Variants in WNK2 observed in about 807,000 individuals in gnomAD.
WNK2 encodes the protein WNK lysine deficient protein kinase 2, also known as serine/threonine-protein kinase WNK2.
A neutral mutation model predicts 192.1 loss-of-function variants in WNK2; 67 were observed. The ratio of observed to expected loss-of-function variants is 0.35; its 90% CI spans 0.29 to 0.43. WNK2 has a LOEUF of 0.43. Ranked by LOEUF, WNK2 falls within the 20% of genes least tolerant of loss-of-function variation. The pLI, the probability that WNK2 is intolerant of heterozygous loss-of-function variation, is 1.00. For missense variants in WNK2, 2,698 were observed against 3,089.7 expected (o/e 0.87, Z 3.01); for synonymous variants, 1,439 against 1,393.9 (o/e 1.03, Z -0.72).
Position 93,244,991 on chromosome 9 carries a change from G to T in WNK2, c.1543-2552G>T, listed in dbSNP as rs533481405. Among the ~76,000 whole-genome samples, 9 of 152,244 alleles carry T rather than the reference G, an allele frequency of 5.9e-5. 1 individual carries two copies. The South Asian group carries it at 1.9e-3, about 32-fold the overall frequency. On this transcript the variant is annotated intron_variant, in intron 7 of 29. Transcript: ENST00000427277. The stretch of plus-strand genomic sequence containing the variant: ...GTAGACGGGTCCCACTGACTGAGCC[G>T]TAAGCTTCTGTCCCACCTCACTGGT...
At chr9:93,276,730 A>C (rs2133456231) in intron 19 of WNK2, among the ~76,000 whole-genome samples, 1 of 152,360 alleles carries the variant, frequency 6.6e-6, no homozygotes, top group Middle Eastern at 3.4e-3. Flanking sequence ...CTCAACAGTA[A>C]AATGAGCATA....
At chr9:93,250,920 G>T (rs1446503966) in intron 8 of WNK2, among the ~76,000 whole-genome samples, 2 of 151,782 alleles carry the variant, frequency 1.3e-5, no homozygotes, top group African/African-American at 2.4e-5. Flanking sequence ...TAGTAGCTGG[G>T]ATTACAGGCA....
chr9:93,230,816 T>G, intron 3 of WNK2, 72 bp from the exon 4 acceptor site: 1 of 1,369,826 alleles, frequency 7.3e-7, no homozygotes, highest in Non-Finnish European at 1.0e-6. Context: ...CTAAGCAGTG[T>G]TAGGTGGGGG....
At chr9:93,291,817 C>A (rs1849412671) in intron 21 of WNK2, among the ~76,000 whole-genome samples, 1 of 152,156 alleles carries the variant, frequency 6.6e-6, no homozygotes, top group Non-Finnish European at 1.5e-5. Context: ...TTTACGGCAA[C>A]CCTGGGAAAA....
chr9:93,246,901 G>A (rs969779307), intron 7 of WNK2, among the ~76,000 whole-genome samples: 1 of 152,312 alleles, frequency 6.6e-6, no homozygotes, highest in East Asian at 1.9e-4. Flanking sequence ...CCTTCAAAAG[G>A]GATCTCTTTT....
chr9:93,300,416 C>T (rs1851395721), intron 26 of WNK2: 1 of 354,518 alleles, frequency 2.8e-6, no homozygotes, highest in South Asian at 7.7e-5. Context: ...GCTGGCCTGC[C>T]TTCCGCCCCG....
At chr9:93,319,308 A>C (rs1020662411) in intron 29 of WNK2, 1 of 1,444,534 alleles carries the variant, frequency 6.9e-7, no homozygotes, top group East Asian at 2.6e-5. Flanking sequence ...TTCTGGGCTC[A>C]GCTGCATCCA....
intron 2 of WNK2, among the ~76,000 whole-genome samples, chr9:93,228,741 C>A (rs1324680130): frequency 6.6e-6 from 1 of 152,130 alleles, no homozygotes; most frequent in Admixed American, 6.5e-5. Context: ...GCCATGCAGG[C>A]TCCCTGGATT....
Position 93,298,082 on chromosome 9 carries a change from GCA to G in WNK2, c.5923+16_5923+17del. 1 of 1,548,028 alleles carries G rather than the reference GCA, an allele frequency of 6.5e-7. No individual in the cohort carries two copies. The highest frequency in any genetic ancestry group is 8.7e-7 in the Non-Finnish European group (1 of 1,146,818). ...CTCCAGCACAGGTCGGCCTCCGGGT[GCA>G]GGGCTGGGATGGGAGCGGGGCTGGG... On this transcript the variant is annotated intron_variant, in intron 24 of 29. Coordinates refer to ENST00000427277, the MANE Select transcript of WNK2 (RefSeq NM_006648.4).
intron 2 of WNK2, among the ~76,000 whole-genome samples, chr9:93,222,101 G>A (rs943273806): frequency 1.6e-5 from 2 of 127,010 alleles, no homozygotes; most frequent in African/African-American, 5.1e-5. Flanking sequence ...ATGTGCGGGC[G>A]GCAGGGTCCC....
intron 5 of WNK2, 91 bp from the exon 6 acceptor site, chr9:93,238,142 G>A (rs1840133007): frequency 7.0e-6 from 8 of 1,136,332 alleles, no homozygotes; most frequent in East Asian, 2.4e-5. Context: ...GTGTCCTGCC[G>A]TGGCTGGGAG....
rs534575005 is a variant in WNK2 at position 93,206,520 on chromosome 9, T to TG, written c.681+20915dup. Among the ~76,000 whole-genome samples the TG allele has an allele frequency of 6.1e-3, 602 of 98,724 alleles. 2 individuals carry two copies. Among genetic ancestry groups the TG allele is most frequent in the Admixed American group, 8.9e-3 (66 of 7,438 alleles). 64.8% of individuals were successfully genotyped at this position (98,724 alleles called of 152,430 possible). A position where few individuals can be genotyped will look rare whatever the true frequency, so the allele number is the denominator to read the frequency against. ...TGCACCGGGGAGTTCTGACTGGGGG[T>TG]GGGGGTGGATTTCTAGGCAGCCATA... On this transcript the variant is annotated intron_variant, in intron 2 of 29. Transcript: ENST00000427277.
intron 23 of WNK2, among the ~76,000 whole-genome samples, chr9:93,295,971 CCCCTCACCATCCTCCCTTCACCTTCCTT>C (rs1850265958): frequency 7.0e-6 from 1 of 143,170 alleles, no homozygotes; most frequent in African/African-American, 2.6e-5. Context: ...TCTCCATCCT[CCCCTCACCATCCTCCCTTCACCTTCCTT>C]CCCTCTCCAT....
chr9:93,297,386 G>A (rs112121611), intron 23 of WNK2, among the ~76,000 whole-genome samples: 80 of 152,278 alleles, frequency 5.3e-4, no homozygotes, highest in African/African-American at 1.7e-3. Flanking sequence ...TGAGCGTCTC[G>A]CTGACTTCTT....
intron 28 of WNK2, chr9:93,317,163 A>C (rs1002281302): frequency 1.0e-5 from 4 of 384,944 alleles, no homozygotes; most frequent in Non-Finnish European, 1.9e-5. Context: ...GAGGGCACTG[A>C]CCAGCCAAGC....
At chr9:93,221,321 C>T (rs1836843199) in intron 2 of WNK2, among the ~76,000 whole-genome samples, 1 of 152,182 alleles carries the variant, frequency 6.6e-6, no homozygotes, top group South Asian at 2.1e-4. Flanking sequence ...TAGAGGAGTC[C>T]CTGGCATGGC....
In WNK2 at chr9:93,288,788, A is replaced by G. The variant is rs1398541416; in HGVS notation, c.4034A>G (p.Asp1345Gly). 2 of 1,608,662 alleles carry G rather than the reference A, an allele frequency of 1.2e-6. No homozygotes were observed. The highest frequency in any genetic ancestry group is 1.1e-5 in the South Asian group (1 of 90,174). The change falls in exon 20 of 30, where the codon GAT (aspartate) becomes GGT (glycine). Residue 1345 changes from aspartate (D) to glycine (G), a missense_variant and splice_region_variant. Around this residue, in one of 7 missense-constraint regions of WNK2, gnomAD observed 1,098 missense variants for 1,101.0 expected, o/e 1.00. Coordinates refer to ENST00000427277, the MANE Select transcript of WNK2 (RefSeq NM_006648.4). The part of the protein sequence containing the change: ...LSSLPPEASQ[D>G]SAPYKDQLSS... ...AAGGCATTTTCCCCATTTCTTCTAGATTCAGCGCCCTATAAAGACCAGCTG... is the reference window on the plus strand; with the variant it reads ...AAGGCATTTTCCCCATTTCTTCTAGGTTCAGCGCCCTATAAAGACCAGCTG...
Position 93,289,495 on chromosome 9 carries a change from A to G in WNK2, c.4741A>G (p.Arg1581Gly). ...TGGGACCCCTGTGGAGGTGGGCGAC[A>G]GAGACTTCACCCTGGAGCCCCTGAG... ...SAGTPVEVGDRDFTLEPLRGD... is the reference protein window; with the variant it reads ...SAGTPVEVGDGDFTLEPLRGD... Residue 1581 changes from arginine to glycine, a missense_variant, in exon 20 of 30, where the codon AGA becomes GGA. Arg to Gly is a moderately radical substitution (Grantham distance 125). Around this residue, in one of 7 missense-constraint regions of WNK2, gnomAD observed 1,098 missense variants for 1,101.0 expected, o/e 1.00. Coordinates refer to ENST00000427277, the MANE Select transcript of WNK2 (RefSeq NM_006648.4). 1.2e-6 allele frequency: 2 copies of G among 1,608,388 alleles called. No individual in the cohort carries two copies. The highest frequency in any genetic ancestry group is 1.7e-6 in the Non-Finnish European group (2 of 1,176,536).
At chr9:93,224,896 T>C (rs535683954) in intron 2 of WNK2, among the ~76,000 whole-genome samples, 17 of 152,216 alleles carry the variant, frequency 1.1e-4, no homozygotes, top group Non-Finnish European at 1.6e-4. Context: ...AGGTGCATTC[T>C]TCCTGCCCTG....
Sources: allele counts gnomAD v4.1 joint callset (sites outside exome capture counted in the v4.1 genomes callset), GRCh38; gene constraint gnomAD v4.1.1; regional missense constraint gnomAD v4.1.1; transcripts MANE v1.5; gene names NCBI Gene and HGNC (gene_info 2026-07-23, HGNC 2026-07-21).